DIP2C: variants seen among roughly 807,000 people sequenced by gnomAD.
DIP2C encodes the protein disco-interacting protein 2 homolog C.
In DIP2C, 33 loss-of-function variants were observed where a neutral mutation model predicts 192.4. The observed-to-expected ratio is 0.17, with a 90% CI of 0.13 to 0.23. The LOEUF is 0.23. DIP2C is among the 10% of genes least tolerant of loss of function. The probability of loss-of-function intolerance (pLI) is 1.00; values close to 1 mark genes in which losing one functional copy is unlikely to be tolerated. For missense variants in DIP2C, 1,537 were observed against 2,110.1 expected, an observed-to-expected ratio of 0.73 and a Z score of 5.32; for synonymous variants, 979 against 864.1, an observed-to-expected ratio of 1.13 and a Z score of -2.33.
chr10:468,700 T>C (rs1335484309), intron 3 of DIP2C, among the ~76,000 whole-genome samples: 1 of 152,088 alleles, frequency 6.6e-6, no homozygotes, highest in Non-Finnish European at 1.5e-5. Context: ...GCAGAGTTTG[T>C]GGCGTGACCT....
In DIP2C at chr10:387,800, A is replaced by G. The variant is rs201756167; in HGVS notation, c.1607T>C (p.Ile536Thr). ...CTTCTTGAAATCCAGCACATTCACA[A>G]TGGTTTCAGCTGCACAACAGAGGGA... ...QACGYTEAET[I>T]VNVLDFKKDV... is the part of the protein sequence containing the mutation. The change falls in exon 14 of 37, where the codon ATT becomes ACT. Residue 536 changes from isoleucine to threonine, a missense_variant. Ile to Thr is a moderately conservative substitution (Grantham distance 89, BLOSUM62 -1). Transcript: ENST00000280886. The G allele has an allele frequency of 3.7e-6, 6 of 1,614,076 alleles. No homozygotes were observed. The highest frequency in any genetic ancestry group is 4.2e-6 in the Non-Finnish European group (5 of 1,180,040).
At chr10:331,041 C>G (rs946109728) in intron 29 of DIP2C, among the ~76,000 whole-genome samples, 1 of 146,276 alleles carries the variant, frequency 6.8e-6, no homozygotes, top group African/African-American at 2.5e-5. Context: ...GTCTCAAACT[C>G]CTGGCTTCAA....
At chr10:439,787 T>G (rs1327290886) in intron 4 of DIP2C, among the ~76,000 whole-genome samples, 1 of 152,212 alleles carries the variant, frequency 6.6e-6, no homozygotes, top group African/African-American at 2.4e-5. Flanking sequence ...ATGCATGTCC[T>G]TCTGTCTCAC....
intron 3 of DIP2C, among the ~76,000 whole-genome samples, chr10:459,667 A>T (rs1486421337): frequency 1.3e-5 from 2 of 149,662 alleles, no homozygotes; most frequent in African/African-American, 5.0e-5. Context: ...TCCCAGTCAC[A>T]TCAGGGAACG....
At chr10:577,876 G>A (rs925009688) in intron 1 of DIP2C, among the ~76,000 whole-genome samples, 1 of 151,394 alleles carries the variant, frequency 6.6e-6, no homozygotes, top group Non-Finnish European at 1.5e-5. Flanking sequence ...CTTTTGGAAA[G>A]TTGGGAGCAA....
intron 4 of DIP2C, among the ~76,000 whole-genome samples, chr10:427,576 T>A (rs533450993): frequency 3.3e-5 from 2 of 61,524 alleles, no homozygotes; most frequent in Non-Finnish European, 6.6e-5. Flanking sequence ...TTTTAAAACA[T>A]GGGCAAAAAA....
intron 1 of DIP2C, among the ~76,000 whole-genome samples, chr10:608,132 CACACACACAG>C (rs1852652908): frequency 9.1e-6 from 1 of 109,878 alleles, no homozygotes; most frequent in African/African-American, 6.3e-5. Context: ...ACAGCCCCAA[CACACACACAG>C]CCCCCCCACA....
chr10:338,118 T>C (rs1170733029), intron 29 of DIP2C, among the ~76,000 whole-genome samples: 1 of 152,254 alleles, frequency 6.6e-6, no homozygotes, highest in African/African-American at 2.4e-5. Flanking sequence ...AGATAAATTA[T>C]TTTTGTATAG....
chr10:394,780 C>T (rs1251535493), intron 10 of DIP2C, among the ~76,000 whole-genome samples: 8 of 141,150 alleles, frequency 5.7e-5, no homozygotes, highest in Non-Finnish European at 1.1e-4. Context: ...ACAGGAAGGA[C>T]GCTAGGCCAC....
At chr10:595,686 C>T (rs528490168) in intron 1 of DIP2C, among the ~76,000 whole-genome samples, 4 of 152,348 alleles carry the variant, frequency 2.6e-5, no homozygotes, top group South Asian at 4.1e-4. Context: ...GAAATCCACG[C>T]GTCCGCAGGA....
At chr10:602,471 G>A (rs897189109) in intron 1 of DIP2C, among the ~76,000 whole-genome samples, 16 of 152,212 alleles carry the variant, frequency 1.1e-4, no homozygotes, top group African/African-American at 3.1e-4. Context: ...TGTGGCCTTT[G>A]GGAGGCCTCG....
rs940973183 is a variant in DIP2C, at chr10:275,884, A to G, written c.*1441T>C. ...TTGCTTCAGCCGGAGCTCTGGCATG[A>G]ACCCCCGGGGAACTGTGCTCACTGA... On this transcript the variant is annotated 3_prime_UTR_variant, in exon 37 of 37. Transcript: ENST00000280886. 3 of 152,200 alleles carry G rather than the reference A, an allele frequency of 2.0e-5. No individual in the cohort carries two copies. The highest frequency in any genetic ancestry group is 7.2e-5 in the African/African-American group (3 of 41,454). 9.4% of individuals were successfully genotyped at this position (152,200 alleles called of 1,614,324 possible).
rs748363942 is a variant in DIP2C, at chr10:283,369, G to A, written c.4197C>T (p.Phe1399=). The change falls in exon 35 of 37, where the codon TTC becomes TTT. Residue 1399 remains phenylalanine, a synonymous_variant. Transcript: ENST00000280886. Reference sequence around the variant, plus strand: ...TGTCTCCAAAACTTAGTCTTGAGTTGAAGTGATCTGACTGGAGGGATTCGT... The same window carrying A: ...TGTCTCCAAAACTTAGTCTTGAGTTAAAGTGATCTGACTGGAGGGATTCGT... ...YGDESLQSDH[F]NSRLSFGDTQ... is the part of the protein sequence containing the mutation. The A allele has an allele frequency of 2.5e-6, 4 of 1,614,214 alleles. No individual in the cohort carries two copies. The highest frequency in any genetic ancestry group is 1.1e-5 in the South Asian group (1 of 91,084).
chr10:615,623 A>ACCCCCCCCCCC (rs1202684094), intron 1 of DIP2C, among the ~76,000 whole-genome samples: 1 of 149,372 alleles, frequency 6.7e-6, no homozygotes, highest in African/African-American at 2.6e-5. Flanking sequence ...ATACACACAC[A>ACCCCCCCCCCC]CACCCGCCCC....
chr10:593,260 G>A (rs1851506101), intron 1 of DIP2C, among the ~76,000 whole-genome samples: 1 of 152,034 alleles, frequency 6.6e-6, no homozygotes, highest in Non-Finnish European at 1.5e-5. Flanking sequence ...GCTCAGCTCT[G>A]CCCCACTTTC....
chr10:439,045 C>T (rs2133258959), intron 4 of DIP2C, among the ~76,000 whole-genome samples: 1 of 152,224 alleles, frequency 6.6e-6, no homozygotes, highest in South Asian at 2.1e-4. Context: ...TACATTTTGC[C>T]ATGTTTTCCG....
intron 1 of DIP2C, among the ~76,000 whole-genome samples, chr10:581,035 T>C (rs748685209): frequency 6.6e-6 from 1 of 151,594 alleles, no homozygotes; most frequent in Non-Finnish European, 1.5e-5. Context: ...CATTTTCTGG[T>C]GAGAGAGACC....
intron 24 of DIP2C, 151 bp from the exon 25 acceptor site, chr10:349,605 A>G (rs1589569335): frequency 9.3e-7 from 1 of 1,076,618 alleles, no homozygotes; most frequent in East Asian, 2.7e-5. Flanking sequence ...ATGACAGTCA[A>G]TTTTAGAACG....
chr10:500,418 A>G (rs1242168055), intron 1 of DIP2C, among the ~76,000 whole-genome samples: 1 of 152,212 alleles, frequency 6.6e-6, no homozygotes, highest in African/African-American at 2.4e-5. Context: ...TAATTAATCA[A>G]ACAAATACTG....
Sources: gnomAD v4.1 joint callset for allele counts (sites outside exome capture counted in the v4.1 genomes callset) on GRCh38, gnomAD v4.1.1 for gene constraint, MANE v1.5 for transcripts, NCBI Gene and HGNC (gene_info 2026-07-23, HGNC 2026-07-21) for gene names.